The following PIK3C2A variants were observed in gnomAD, a reference collection of about 807,000 sequenced individuals.
The protein encoded by PIK3C2A is phosphatidylinositol 4-phosphate 3-kinase C2 domain-containing subunit alpha.
Under a neutral mutation model 204.5 loss-of-function variants are expected in PIK3C2A, and 97 were observed. That is an observed-to-expected ratio of 0.47 (90% CI 0.40 to 0.56). The LOEUF (loss-of-function observed/expected upper bound fraction) is 0.56. Ranked by LOEUF, PIK3C2A falls within the 20% of genes least tolerant of loss-of-function variation. PIK3C2A has a pLI of 0.00. For synonymous variants in PIK3C2A, 653 were observed against 664.4 expected (o/e 0.98, Z 0.26); for missense variants, 1,735 against 1,969.2 (o/e 0.88, Z 2.25).
intron 1 of PIK3C2A, among the ~76,000 whole-genome samples, chr11:17,202,573 C>CAA (rs201496259): frequency 1.4e-5 from 2 of 139,210 alleles, no homozygotes; most frequent in Non-Finnish European, 3.1e-5. Context: ...GAACCTCCCT[C>CAA]AAAAAAAAAA....
At chr11:17,135,707 G>A (rs1339561194) in intron 9 of PIK3C2A, among the ~76,000 whole-genome samples, 2 of 150,546 alleles carry the variant, frequency 1.3e-5, no homozygotes, top group East Asian at 1.9e-4. Context: ...GTGTGTGTGT[G>A]TGTGTGTGTG....
intron 13 of PIK3C2A, among the ~76,000 whole-genome samples, chr11:17,128,230 TCTC>T (rs1434839599): frequency 1.6e-5 from 2 of 124,796 alleles, no homozygotes; most frequent in Non-Finnish European, 3.4e-5. Context: ...GATGCTTTTT[TCTC>T]CTTTTTTTTT....
intron 3 of PIK3C2A, among the ~76,000 whole-genome samples, chr11:17,153,506 A>G (rs920463497): frequency 6.6e-6 from 1 of 152,166 alleles, no homozygotes; most frequent in Non-Finnish European, 1.5e-5. Context: ...CAATTATGAT[A>G]GGTGTAAAAG....
In PIK3C2A at chr11:17,119,956, T is replaced by C; in HGVS notation, c.2676A>G (p.Lys892=). 1 of 1,558,366 alleles carries C rather than the reference T, an allele frequency of 6.4e-7. No homozygotes were observed. The highest frequency in any genetic ancestry group is 8.8e-7 in the Non-Finnish European group (1 of 1,135,646). The change falls in exon 16 of 33, where the codon AAA becomes AAG. Residue 892 remains lysine, a synonymous_variant. Coordinates refer to ENST00000691414, the MANE Select transcript of PIK3C2A (RefSeq NM_002645.4). ...AATAACGTTTCTCCCATAAAAAAGC[T>C]TTATCTTCTTTAGAAAGTCTGCATA... ...DSSLGLSKED[K]AFLWEKRYYC...
chr11:17,195,864 C>G (rs1417464944), intron 1 of PIK3C2A, among the ~76,000 whole-genome samples: 5 of 151,672 alleles, frequency 3.3e-5, no homozygotes, highest in Non-Finnish European at 5.9e-5. Context: ...ATGGTGAAAC[C>G]CCATCTTGAA....
At chr11:17,204,317 C>A (rs59037536) in intron 1 of PIK3C2A, 1 of 152,128 alleles carries the variant, frequency 6.6e-6, no homozygotes, top group Non-Finnish European at 1.5e-5. Flanking sequence ...CTATGTGACT[C>A]CCATTTTTGG....
chr11:17,135,842 ACAC>A (rs1849855873), intron 9 of PIK3C2A, among the ~76,000 whole-genome samples: 3 of 152,188 alleles, frequency 2.0e-5, no homozygotes. Flanking sequence ...ATCGAGGGGC[ACAC>A]CATCAACGTA....
chr11:17,097,978 A>C (rs971168910), intron 26 of PIK3C2A, among the ~76,000 whole-genome samples: 1 of 152,200 alleles, frequency 6.6e-6, no homozygotes, highest in Non-Finnish European at 1.5e-5. Flanking sequence ...CTCTCCTATC[A>C]AACAGTAGAA....
At chr11:17,175,743 T>A (rs1375404252) in intron 1 of PIK3C2A, among the ~76,000 whole-genome samples, 1 of 152,154 alleles carries the variant, frequency 6.6e-6, no homozygotes, top group Non-Finnish European at 1.5e-5. Context: ...CATTTGCATA[T>A]CCCAAAACAG....
intron 4 of PIK3C2A, 101 bp from the exon 5 acceptor site, chr11:17,148,888 G>A: frequency 2.2e-6 from 2 of 899,914 alleles, no homozygotes; most frequent in Non-Finnish European, 3.2e-6. Context: ...GAAATATAAT[G>A]TAGTCCACAA....
intron 1 of PIK3C2A, among the ~76,000 whole-genome samples, chr11:17,177,224 TATC>T (rs1851367863): frequency 2.0e-5 from 3 of 152,210 alleles, no homozygotes; most frequent in Non-Finnish European, 4.4e-5. Context: ...CTTTTAATTA[TATC>T]ATGAGGTAAT....
At chr11:17,173,366 G>A (rs1311237805) in intron 1 of PIK3C2A, among the ~76,000 whole-genome samples, 3 of 152,146 alleles carry the variant, frequency 2.0e-5, no homozygotes, top group Non-Finnish European at 4.4e-5. Context: ...AAACTATTTG[G>A]AAAGAAAGCT....
At chr11:17,134,694 T>G in intron 11 of PIK3C2A, 125 bp downstream of exon 11, 1 of 701,336 alleles carries the variant, frequency 1.4e-6, no homozygotes, top group African/African-American at 1.8e-5. Flanking sequence ...TTAGTAGAGA[T>G]GAGGTCTCAT....
At chr11:17,102,990 T>C (rs551108614) in intron 23 of PIK3C2A, among the ~76,000 whole-genome samples, 159 bp from the exon 24 acceptor site, 1 of 152,216 alleles carries the variant, frequency 6.6e-6, no homozygotes, top group East Asian at 2.0e-4. Flanking sequence ...GCCAATCTTT[T>C]CATATTTCAA....
chr11:17,122,028 T>TAAAAAAAAAA (rs376913282), intron 15 of PIK3C2A, among the ~76,000 whole-genome samples, 160 bp downstream of exon 15: 1 of 134,800 alleles, frequency 7.4e-6, no homozygotes, highest in Admixed American at 7.5e-5. Context: ...TGTAGATTAT[T>TAAAAAAAAAA]AAAAAAAAAA....
At chr11:17,204,694 C>T (rs1852503989) in intron 1 of PIK3C2A, among the ~76,000 whole-genome samples, 1 of 152,044 alleles carries the variant, frequency 6.6e-6, no homozygotes, top group Non-Finnish European at 1.5e-5. Flanking sequence ...TTTTCTTATC[C>T]CTGGGAACCT....
rs554738544 is a variant in PIK3C2A, at chr11:17,130,915, G to A, written c.2231+1001C>T. On this transcript the variant is annotated intron_variant, in intron 12 of 32. Transcript: ENST00000691414. ...GATAATGTTTTTTTCGGCTAGACGC[G>A]GTGGCTCACGCCTGTAATCCCAGCA... Among the ~76,000 whole-genome samples, 12 of 146,558 alleles carry A rather than the reference G, an allele frequency of 8.2e-5. No homozygotes were observed. The East Asian group carries it at 1.7e-3, about 20-fold the overall frequency.
intron 26 of PIK3C2A, among the ~76,000 whole-genome samples, chr11:17,097,543 G>A (rs1336534202): frequency 6.6e-6 from 1 of 152,144 alleles, no homozygotes; most frequent in African/African-American, 2.4e-5. Flanking sequence ...ATGATGATTG[G>A]TATAATGCTA....
chr11:17,169,590 T>C lies in PIK3C2A; in HGVS notation c.152A>G (p.Asn51Ser), dbSNP rs772783249. 4 of 1,614,072 alleles carry C rather than the reference T, an allele frequency of 2.5e-6. No individual in the cohort carries two copies. Among genetic ancestry groups the C allele is most frequent in the Non-Finnish European group, 3.4e-6 (4 of 1,180,038 alleles). Residue 51 changes from asparagine (N) to serine (S), a missense_variant, in exon 2 of 33, where the codon AAT (asparagine) becomes AGT (serine). Transcript: ENST00000691414. ...GCTTGACAACTCAAAGCCTCTCTGA[T>C]TGTCAGTCACTTGTCTATCCTTTTG... ...KLQKDRQVTDNQRGFELSSST... is the reference protein window; with the variant it reads ...KLQKDRQVTDSQRGFELSSST...
Sources: gnomAD v4.1 joint callset for allele counts (sites outside exome capture counted in the v4.1 genomes callset) on GRCh38, gnomAD v4.1.1 for gene constraint, MANE v1.5 for transcripts, NCBI Gene and HGNC (gene_info 2026-07-23, HGNC 2026-07-21) for gene names.